Variants in BBS4 observed in about 807,000 individuals in gnomAD.
BBS4 encodes Bardet-Biedl syndrome 4, also known as BBSome complex member BBS4.
In BBS4, 58 loss-of-function variants were observed where a neutral mutation model predicts 71.4. The ratio of observed to expected loss-of-function variants is 0.81; its 90% confidence interval spans 0.66 to 1.01. The LOEUF (loss-of-function observed/expected upper bound fraction) is 1.01, where lower values mean the gene tolerates loss of function less well. BBS4 is among the 50% of genes least tolerant of loss of function. BBS4 has a pLI of 0.00. For missense variants in BBS4, 660 were observed against 607.9 expected, an observed-to-expected ratio of 1.09 and a Z score of -0.90; for synonymous variants, 228 against 216.8, an observed-to-expected ratio of 1.05 and a Z score of -0.46.
chr15:72,697,949 G>A (rs1391439289), intron 2 of BBS4: 2 of 455,598 alleles, frequency 4.4e-6, no homozygotes, highest in African/African-American at 2.0e-5. Flanking sequence ...GCTACATGAG[G>A]CTACTGAAGT....
In BBS4 at chr15:72,689,027, A is replaced by C. The variant is rs2064932861; in HGVS notation, c.24+2776A>C. On this transcript the variant is annotated intron_variant, in intron 1 of 15. Coordinates refer to ENST00000268057, the MANE Select transcript of BBS4 (RefSeq NM_033028.5). ...TAAACCTCCATTCCTAAACTCAGAA[A>C]GAAAAAAAAAAAAAGAGAATGTTAC... Among the ~76,000 whole-genome samples, 4 of 151,952 alleles carry C rather than the reference A, an allele frequency of 2.6e-5. No individual in the cohort carries two copies. In the South Asian group the frequency reaches 8.5e-4, roughly 32 times the overall value.
chr15:72,725,038 C>CTA (rs67509027), intron 8 of BBS4, among the ~76,000 whole-genome samples: 3,577 of 135,384 alleles, frequency 0.026, 170 homozygotes, highest in African/African-American at 0.093. Context: ...AAGCATCTGG[C>CTA]TATATATATA....
At chr15:72,730,368 A>T (rs775920201) in intron 10 of BBS4, among the ~76,000 whole-genome samples, 5 of 152,028 alleles carry the variant, frequency 3.3e-5, no homozygotes, top group Non-Finnish European at 7.4e-5. Flanking sequence ...ATGCTGAGGC[A>T]GGAGGATCAC....
intron 7 of BBS4, among the ~76,000 whole-genome samples, chr15:72,723,214 G>A (rs1034029882): frequency 6.6e-6 from 1 of 152,058 alleles, no homozygotes; most frequent in African/African-American, 2.4e-5. Flanking sequence ...CTATCTCCAT[G>A]CCCTGACGGC....
At chr15:72,736,649 A>C in intron 14 of BBS4, 113 bp from the exon 15 acceptor site, 1 of 951,154 alleles carries the variant, frequency 1.1e-6, no homozygotes, top group Non-Finnish European at 1.7e-6. Context: ...CTCAACTGCT[A>C]GTACGACCAG....
At chr15:72,699,868 C>T (rs971413645) in intron 2 of BBS4, among the ~76,000 whole-genome samples, 5 of 152,028 alleles carry the variant, frequency 3.3e-5, no homozygotes, top group Non-Finnish European at 7.4e-5. Context: ...ATGAATATAC[C>T]ACCGTTTGTC....
intron 1 of BBS4, among the ~76,000 whole-genome samples, chr15:72,689,528 T>G (rs1567393508): frequency 6.6e-6 from 1 of 152,104 alleles, no homozygotes; most frequent in Non-Finnish European, 1.5e-5. Context: ...AGTCCAGAGG[T>G]TTGAGACCAG....
intron 12 of BBS4, among the ~76,000 whole-genome samples, chr15:72,734,003 T>A (rs935041657): frequency 6.6e-6 from 1 of 152,202 alleles, no homozygotes; most frequent in Non-Finnish European, 1.5e-5. Flanking sequence ...TGGTTTCAAT[T>A]TGCATTTCTC....
intron 2 of BBS4, among the ~76,000 whole-genome samples, chr15:72,707,386 C>T (rs1255886745): frequency 6.6e-6 from 1 of 151,836 alleles, no homozygotes; most frequent in East Asian, 1.9e-4. Context: ...ACCATGTTGT[C>T]CAGGCTGACC....
chr15:72,708,116 G>C (rs1468574074), intron 2 of BBS4, among the ~76,000 whole-genome samples: 1 of 152,020 alleles, frequency 6.6e-6, no homozygotes, highest in African/African-American at 2.4e-5. Context: ...ATTGGTGCGG[G>C]TTACCACACC....
chr15:72,735,952 GA>G lies in BBS4; in HGVS notation c.1236del (p.Glu412AspfsTer57), dbSNP rs1226386838. The G allele has an allele frequency of 6.2e-7, 1 of 1,613,934 alleles. No homozygotes were observed. Among genetic ancestry groups the G allele is most frequent in the Non-Finnish European group, 8.5e-7 (1 of 1,180,032 alleles). ...CCTACTCAAGGACAATAGCTCTCTG[GA>G]ATTTGACTCTGAGGTATGTCTTTTA... ...VSLLKDNSSL[E>X]FDSEMVEMAQ... On this transcript the variant is annotated frameshift_variant, in exon 14 of 16. Coordinates refer to ENST00000268057, the MANE Select transcript of BBS4 (RefSeq NM_033028.5). LOFTEE classifies it high-confidence loss of function.
rs749206186 is a variant in BBS4 at position 72,736,800 on chromosome 15, G to A, written c.1287G>A (p.Gln429=). 3 of 1,614,118 alleles carry A rather than the reference G, an allele frequency of 1.9e-6. No individual in the cohort carries two copies. In the East Asian group the frequency reaches 6.7e-5, roughly 36 times the overall value. ...EMAQKLGAAL[Q]VGEALVWTKP... ...CTCAGAAGTTGGGAGCTGCTCTCCA[G>A]GTTGGGGAGGCACTGGTCTGGACCA... The change falls in exon 15 of 16, where the codon CAG becomes CAA. Residue 429 remains glutamine, a synonymous_variant. Coordinates refer to ENST00000268057, the MANE Select transcript of BBS4 (RefSeq NM_033028.5).
chr15:72,737,539 G>A lies in BBS4; in HGVS notation c.1512G>A (p.Ala504=), dbSNP rs369958857. 1.6e-5 allele frequency: 26 copies of A among 1,612,720 alleles called. No individual in the cohort carries two copies. The East Asian group carries it at 2.2e-4, about 14-fold the overall frequency. Residue 504 remains alanine (A), a synonymous_variant, in exon 16 of 16, where the codon GCG becomes GCA. Transcript: ENST00000268057. ...CTCTTCCTCTGGAGCCAGAGCCTGCGGTGGAATCAAGTCCAACTGAAACAT... is the reference window on the plus strand; with the variant it reads ...CTCTTCCTCTGGAGCCAGAGCCTGCAGTGGAATCAAGTCCAACTGAAACAT... ...PPSLPLEPEP[A]VESSPTETSE... is the part of the protein sequence containing the mutation.
chr15:72,686,246 G>C lies in BBS4; in HGVS notation c.19G>C (p.Ala7Pro), dbSNP rs2064831111. The C allele has an allele frequency of 2.6e-6, 4 of 1,564,876 alleles. No homozygotes were observed. The highest frequency in any genetic ancestry group is 3.5e-6 in the Non-Finnish European group (4 of 1,155,624). Reference protein sequence around the residue: MAEERVATRTQFPVSTE... With the variant: MAEERVPTRTQFPVSTE... ...AGCTAAAATGGCTGAGGAGAGAGTCGCGACGGTGAGCGCCGAGATTCTCTT... is the reference window on the plus strand; with the variant it reads ...AGCTAAAATGGCTGAGGAGAGAGTCCCGACGGTGAGCGCCGAGATTCTCTT... The change falls in exon 1 of 16, where the codon GCG (alanine) becomes CCG (proline). Residue 7 changes from alanine (A) to proline (P), a missense_variant. Coordinates refer to ENST00000268057, the MANE Select transcript of BBS4 (RefSeq NM_033028.5).
In BBS4 at chr15:72,705,587, C is replaced by CTTTTTTT. The variant is rs762708438; in HGVS notation, c.77-4096_77-4090dup. On this transcript the variant is annotated intron_variant, in intron 2 of 15. Coordinates refer to ENST00000268057, the MANE Select transcript of BBS4 (RefSeq NM_033028.5). ...CAAGAAACACAAAACATGGCTTGTC[C>CTTTTTTT]TTTTTTTTTTTTTTTTTTTTTTTGA... 3.0e-4 allele frequency among the ~76,000 whole-genome samples: 26 copies of CTTTTTTT among 86,858 alleles called. 1 individual carries two copies. Among genetic ancestry groups the CTTTTTTT allele is most frequent in the South Asian group, 4.4e-4 (1 of 2,272 alleles). The allele number at this position is 86,858 out of a possible 152,430, so 57.0% of individuals were successfully genotyped here.
rs757919858 is a variant in BBS4 at position 72,724,609 on chromosome 15, G to A, written c.541G>A (p.Glu181Lys). ...AATGCTGGGGAAGATCCACTTGCTG[G>A]AGGGAGACTTGGACAAGGCCATTGA... ...YIMLGKIHLL[E>K]GDLDKAIEVY... The change falls in exon 8 of 16, where the codon GAG becomes AAG. Residue 181 changes from glutamate (E) to lysine (K), a missense_variant. Physicochemically the swap from Glu to Lys is moderately conservative, Grantham distance 56. Transcript: ENST00000268057. 1 of 1,614,138 alleles carries A rather than the reference G, an allele frequency of 6.2e-7. No homozygotes were observed. Among genetic ancestry groups the A allele is most frequent in the Admixed American group, 1.7e-5 (1 of 60,022 alleles).
intron 2 of BBS4, among the ~76,000 whole-genome samples, chr15:72,699,758 T>C (rs1020031106): frequency 2.0e-5 from 3 of 152,260 alleles, no homozygotes; most frequent in African/African-American, 7.2e-5. Context: ...ATTTAGCTTT[T>C]GGCAGCTTTC....
intron 9 of BBS4, among the ~76,000 whole-genome samples, chr15:72,728,664 T>C (rs1332382988): frequency 6.6e-6 from 1 of 152,190 alleles, no homozygotes; most frequent in Non-Finnish European, 1.5e-5. Flanking sequence ...GCCAGAGTCT[T>C]ATTGGAAAGA....
chr15:72,694,257 C>T (rs1442100906), intron 1 of BBS4, among the ~76,000 whole-genome samples: 1 of 149,166 alleles, frequency 6.7e-6, no homozygotes, highest in Admixed American at 6.7e-5. Context: ...ATGGTACGAT[C>T]TTGGCTCATT....
Sources: allele counts gnomAD v4.1 joint callset (sites outside exome capture counted in the v4.1 genomes callset), GRCh38; gene constraint gnomAD v4.1.1; transcripts MANE v1.5; gene names NCBI Gene and HGNC (gene_info 2026-07-23, HGNC 2026-07-21).